Variants in SLC5A11 observed in about 807,000 individuals in gnomAD.
SLC5A11 encodes solute carrier family 5 member 11, also known as sodium/myo-inositol cotransporter 2.
Under a neutral mutation model 69.8 loss-of-function variants are expected in SLC5A11, and 48 were observed. The ratio of observed to expected loss-of-function variants is 0.69; its 90% CI spans 0.55 to 0.87. SLC5A11 has a LOEUF of 0.87. SLC5A11 is among the 40% of genes least tolerant of loss of function. The pLI, the probability that SLC5A11 is intolerant of heterozygous loss-of-function variation, is 0.00. For missense variants in SLC5A11, 784 were observed against 866.1 expected (o/e 0.91, Z 1.19); for synonymous variants, 319 against 342.4 (o/e 0.93, Z 0.75).
intron 8 of SLC5A11, among the ~76,000 whole-genome samples, chr16:24,889,543 ATTTTTTTTT>A (rs71156454): frequency 7.1e-4 from 53 of 74,342 alleles, no homozygotes; most frequent in Non-Finnish European, 1.0e-3. Flanking sequence ...AGGTCTTACA[ATTTTTTTTT>A]TTTTTTTTTT....
At chr16:24,862,379 G>A (rs114595590) in intron 2 of SLC5A11, among the ~76,000 whole-genome samples, 124 of 152,308 alleles carry the variant, frequency 8.1e-4, no homozygotes, top group African/African-American at 2.9e-3. Context: ...AATGTTTGTA[G>A]CAACAAGTGG....
intron 9 of SLC5A11, among the ~76,000 whole-genome samples, chr16:24,896,056 G>C (rs1370684579): frequency 8.2e-6 from 1 of 121,452 alleles, no homozygotes; most frequent in Non-Finnish European, 1.7e-5. Flanking sequence ...GGATAAAAAG[G>C]CTCTTTTTTT....
Position 24,906,907 on chromosome 16 carries a change from T to C in SLC5A11, c.1115-118T>C, listed in dbSNP as rs1308673203. The C allele has an allele frequency of 3.4e-6, 5 of 1,458,602 alleles. No homozygotes were observed. In the Admixed American group the frequency reaches 8.1e-5, roughly 24 times the overall value. The allele number at this position is 1,458,602 out of a possible 1,614,324, so 90.4% of individuals were successfully genotyped here. ...GGGCTCCCCAAGAAAGGCTACGTCC[T>C]GCAGGAAGCTCTGCCCCGCCGTCCT... On this transcript the variant is annotated intron_variant, in intron 11 of 15. Coordinates refer to ENST00000347898, the Ensembl canonical transcript of SLC5A11.
intron 3 of SLC5A11, among the ~76,000 whole-genome samples, chr16:24,865,516 C>A (rs926686135): frequency 1.3e-5 from 2 of 152,102 alleles, no homozygotes; most frequent in Non-Finnish European, 2.9e-5. Flanking sequence ...GAGACTGAGC[C>A]ACTGCACTCC....
chr16:24,867,837 C>T (rs1043097297), intron 3 of SLC5A11, among the ~76,000 whole-genome samples: 17 of 152,044 alleles, frequency 1.1e-4, no homozygotes, highest in African/African-American at 4.1e-4. Context: ...TGAATTATAT[C>T]TATAAAAAGT....
At chr16:24,871,828 A>G (rs571841263) in intron 4 of SLC5A11, among the ~76,000 whole-genome samples, 1 of 152,008 alleles carries the variant, frequency 6.6e-6, no homozygotes, top group South Asian at 2.1e-4. Flanking sequence ...TCGTCTTTGA[A>G]CCCAGATCTG....
chr16:24,901,921 G>GA (rs1380185049), intron 10 of SLC5A11, among the ~76,000 whole-genome samples: 2 of 135,192 alleles, frequency 1.5e-5, no homozygotes, highest in South Asian at 2.4e-4. Context: ...CCCATCTCTG[G>GA]AAAAAAAAAT....
chr16:24,906,583 C>A, intron 10 of SLC5A11, 74 bp from the exon 12 acceptor site: 1 of 866,906 alleles, frequency 1.2e-6, no homozygotes. Context: ...AAGCCTGTGT[C>A]CGGCCCCATG....
chr16:24,895,534 A>G (rs1254550083), intron 9 of SLC5A11, among the ~76,000 whole-genome samples: 1 of 144,262 alleles, frequency 6.9e-6, no homozygotes, highest in Non-Finnish European at 1.5e-5. Flanking sequence ...AAAGGAGAGG[A>G]GAGGAAAGAA....
At chr16:24,898,861 G>A (rs1401004676) in intron 10 of SLC5A11, among the ~76,000 whole-genome samples, 1 of 151,898 alleles carries the variant, frequency 6.6e-6, no homozygotes, top group East Asian at 1.9e-4. Context: ...TTGTCACCTA[G>A]GCTGGAGTAC....
chr16:24,890,708 T>C (rs1250748366), intron 8 of SLC5A11, among the ~76,000 whole-genome samples, 161 bp from the exon 10 acceptor site: 1 of 152,036 alleles, frequency 6.6e-6, no homozygotes, highest in East Asian at 1.9e-4. Context: ...TTAATTTTTT[T>C]AAGTTAAAAA....
chr16:24,852,170 C>T (rs928094916), intron 1 of SLC5A11, among the ~76,000 whole-genome samples: 12 of 152,084 alleles, frequency 7.9e-5, no homozygotes, highest in African/African-American at 2.4e-4. Context: ...CATTATGAAA[C>T]GTTTCAGACA....
At chr16:24,866,070 G>A in intron 3 of SLC5A11, among the ~76,000 whole-genome samples, 1 of 139,332 alleles carries the variant, frequency 7.2e-6, no homozygotes, top group South Asian at 2.4e-4. Context: ...TTTAATAAAG[G>A]AATTTAAATG....
intron 1 of SLC5A11, among the ~76,000 whole-genome samples, chr16:24,851,548 A>AAAAAC (rs1031631401): frequency 3.4e-4 from 52 of 151,956 alleles, no homozygotes; most frequent in African/African-American, 1.2e-3. Context: ...TCATCTCAAA[A>AAAAAC]AAAACAAAAC....
chr16:24,886,367 A>G (rs1201269794), intron 8 of SLC5A11, among the ~76,000 whole-genome samples: 2 of 145,474 alleles, frequency 1.4e-5, no homozygotes, highest in East Asian at 4.1e-4. Context: ...AATGCAGAGA[A>G]AAGGGATAAA....
At chr16:24,909,055 TCCA>T (rs766066736) in exon 14 of SLC5A11, 1 of 1,614,098 alleles carries the variant, frequency 6.2e-7, no homozygotes, top group South Asian at 1.1e-5. Flanking sequence ...CATCACTGTC[TCCA>T]CCGTGAGCTG....
At chr16:24,878,327 C>G (rs1404081392) in intron 7 of SLC5A11, among the ~76,000 whole-genome samples, 1 of 152,202 alleles carries the variant, frequency 6.6e-6, no homozygotes, top group Non-Finnish European at 1.5e-5. Context: ...AGCCTGAGGG[C>G]AGGTAACCTC....
intron 8 of SLC5A11, among the ~76,000 whole-genome samples, chr16:24,888,890 G>A (rs274071): frequency 0.25 from 35,512 of 139,406 alleles, 4,381 homozygotes; most frequent in South Asian, 0.42. Context: ...TCCACCTCCC[G>A]GGTTCAAGCA....
intron 15 of SLC5A11, among the ~76,000 whole-genome samples, chr16:24,911,019 A>C (rs927666742): frequency 6.6e-6 from 1 of 151,992 alleles, no homozygotes; most frequent in African/African-American, 2.4e-5. Context: ...AAATATAAAA[A>C]TTAGCCGGGC....
Sources: allele counts gnomAD v4.1 joint callset (sites outside exome capture counted in the v4.1 genomes callset), GRCh38; gene constraint gnomAD v4.1.1; transcripts MANE v1.5; gene names NCBI Gene and HGNC (gene_info 2026-07-23, HGNC 2026-07-21).